The following NPY1R variants were observed in gnomAD, a reference collection of about 807,000 sequenced individuals.
NPY1R encodes neuropeptide Y receptor type 1.
In NPY1R, 10 loss-of-function variants were observed where a neutral mutation model predicts 24.1. The ratio of observed to expected loss-of-function variants is 0.42; its 90% confidence interval spans 0.26 to 0.71. The LOEUF (loss-of-function observed/expected upper bound fraction) is 0.71. Among genes scored for constraint, NPY1R ranks in the 30% least tolerant of loss-of-function variants. The probability of loss-of-function intolerance (pLI) is 0.28; values close to 1 mark genes in which losing one functional copy is unlikely to be tolerated. For missense variants in NPY1R, 350 were observed against 458.0 expected, an observed-to-expected ratio of 0.76 and a Z score of 2.15; for synonymous variants, 168 against 165.9, an observed-to-expected ratio of 1.01 and a Z score of -0.10.
At position 163,326,258 on chromosome 4, in the gene NPY1R, G is replaced by T. The variant is rs368406189; in HGVS notation, c.297C>A (p.Val99=). ...VAIMCLPFTF[V]YTLMDHWVFG... is the part of the protein sequence containing the mutation. Reference sequence around the variant, plus strand: ...AGACCCAGTGGTCCATTAATGTGTAGACAAATGTAAAGGGGAGACACATGA... The same window carrying T: ...AGACCCAGTGGTCCATTAATGTGTATACAAATGTAAAGGGGAGACACATGA... Residue 99 remains valine, a synonymous_variant, in exon 2 of 3, where the codon GTC becomes GTA. Coordinates refer to ENST00000296533, the MANE Select transcript of NPY1R (RefSeq NM_000909.6). 6 of 1,614,164 alleles carry T rather than the reference G, an allele frequency of 3.7e-6. No individual in the cohort carries two copies. The highest frequency in any genetic ancestry group is 1.6e-4 in the Middle Eastern group (1 of 6,062).
intron 1 of NPY1R, among the ~76,000 whole-genome samples, chr4:163,339,183 C>T (rs1274518196): frequency 6.6e-6 from 1 of 152,144 alleles, no homozygotes; most frequent in Admixed American, 6.5e-5. Flanking sequence ...TGCAGTCATA[C>T]GAAACCATTT....
chr4:163,326,078 A>C lies in NPY1R; in HGVS notation c.477T>G (p.Ile159Met), dbSNP rs774512237. The change falls in exon 2 of 3, where the codon ATT becomes ATG. Residue 159 changes from isoleucine to methionine, a missense_variant. Transcript: ENST00000296533. ...CCACAGCAAGGACCCAAATCACAGC[A>C]ATACCTACATAAGCATGTCTATTAT... ...RPNNRHAYVG[I>M]AVIWVLAVAS... 8 of 1,614,002 alleles carry C rather than the reference A, an allele frequency of 5.0e-6. No individual in the cohort carries two copies. The South Asian group carries it at 8.8e-5, about 18-fold the overall frequency.
At position 163,326,222 on chromosome 4, in the gene NPY1R, C is replaced by A. The variant is rs375737343; in HGVS notation, c.333G>T (p.Ala111=). ...TLMDHWVFGE[A]MCKLNPFVQC... ...GCACAAAAGGATTCAACTTACACAT[C>A]GCCTCACCAAAGACCCAGTGGTCCA... Residue 111 remains alanine (A), a synonymous_variant, in exon 2 of 3, where the codon GCG becomes GCT. Coordinates refer to ENST00000296533, the MANE Select transcript of NPY1R (RefSeq NM_000909.6). 6.2e-7 allele frequency: 1 copy of A among 1,613,998 alleles called. No homozygotes were observed. The highest frequency in any genetic ancestry group is 8.5e-7 in the Non-Finnish European group (1 of 1,179,992).
Position 163,325,677 on chromosome 4 carries a change from T to G in NPY1R, c.781A>C (p.Ile261Leu). The G allele has an allele frequency of 1.2e-6, 2 of 1,605,136 alleles. No individual in the cohort carries two copies. The change falls in exon 3 of 3, where the codon ATC (isoleucine) becomes CTC (leucine). Residue 261 changes from isoleucine to leucine, a missense_variant. Transcript: ENST00000296533. ...ACAATGGAGAGCAGCATGATATTGA[T>G]TCTTTTGGTTTCACTGGACCTGTAC... ...NKYRSSETKR[I>L]NIMLLSIVVA...
intron 1 of NPY1R, among the ~76,000 whole-genome samples, chr4:163,343,175 CTT>C (rs35412972): frequency 1.3e-3 from 193 of 144,850 alleles, no homozygotes; most frequent in African/African-American, 3.6e-3. Flanking sequence ...TTTTTCCCGT[CTT>C]TTTTTTTTTT....
intron 1 of NPY1R, among the ~76,000 whole-genome samples, chr4:163,339,856 A>C (rs1484426932): frequency 6.6e-6 from 1 of 152,078 alleles, no homozygotes; most frequent in East Asian, 1.9e-4. Flanking sequence ...AAATGCTTAT[A>C]ATGTCTACTT....
At chr4:163,341,923 A>G (rs1231908888) in intron 1 of NPY1R, among the ~76,000 whole-genome samples, 1 of 151,954 alleles carries the variant, frequency 6.6e-6, no homozygotes, top group Admixed American at 6.6e-5. Flanking sequence ...CTTCCTCTTT[A>G]TGTAGCATAT....
intron 1 of NPY1R, among the ~76,000 whole-genome samples, chr4:163,330,192 A>G (rs1734696350): frequency 6.6e-6 from 1 of 152,246 alleles, no homozygotes. Context: ...ATAAGAATTC[A>G]CACAGACATT....
In NPY1R at chr4:163,325,287, T is replaced by C. The variant is rs779877611; in HGVS notation, c.*16A>G. ...TTTAAACAGATGTCATCCGGGACCA[T>C]AGGCTATAAGTAGTTTCAGATTTTT... On this transcript the variant is annotated 3_prime_UTR_variant, in exon 3 of 3. Coordinates refer to ENST00000296533, the MANE Select transcript of NPY1R (RefSeq NM_000909.6). 5.1e-6 allele frequency: 8 copies of C among 1,565,982 alleles called. No homozygotes were observed. The highest frequency in any genetic ancestry group is 1.4e-5 in the African/African-American group (1 of 73,214).
intron 1 of NPY1R, among the ~76,000 whole-genome samples, chr4:163,331,624 C>CTA (rs1734729770): frequency 6.6e-6 from 1 of 152,118 alleles, no homozygotes; most frequent in South Asian, 2.1e-4. Context: ...AGTCAATTCT[C>CTA]TCTCTTTGGC....
chr4:163,326,615 C>A lies in NPY1R; in HGVS notation c.-61G>T, dbSNP rs181021071. On this transcript the variant is annotated 5_prime_UTR_variant, in exon 2 of 3. Coordinates refer to ENST00000296533, the MANE Select transcript of NPY1R (RefSeq NM_000909.6). ...AAATGGACAGTATGTTTCTTCAAAGCAGGTCAACTGTTCAGCTTATTCTTA... is the reference window on the plus strand; with the variant it reads ...AAATGGACAGTATGTTTCTTCAAAGAAGGTCAACTGTTCAGCTTATTCTTA... 13 of 1,052,022 alleles carry A rather than the reference C, an allele frequency of 1.2e-5. No individual in the cohort carries two copies. In the East Asian group the frequency reaches 2.9e-4, roughly 23 times the overall value. The allele number at this position is 1,052,022 out of a possible 1,614,324, so 65.2% of individuals were successfully genotyped here.
chr4:163,329,384 T>C (rs1734677842), intron 1 of NPY1R, among the ~76,000 whole-genome samples: 1 of 152,112 alleles, frequency 6.6e-6, no homozygotes, highest in African/African-American at 2.4e-5. Context: ...GCGGATCACC[T>C]GAAGTCAAGA....
At chr4:163,329,370 C>T (rs528504296) in intron 1 of NPY1R, among the ~76,000 whole-genome samples, 18 of 152,038 alleles carry the variant, frequency 1.2e-4, no homozygotes, top group Admixed American at 4.6e-4. Context: ...TTCGGGAGGC[C>T]GAGGCGGATC....
At chr4:163,333,594 TTA>T (rs1402725225), upstream of NPY1R, among the ~76,000 whole-genome samples, 3 of 152,202 alleles carry the variant, frequency 2.0e-5, no homozygotes, top group Non-Finnish European at 4.4e-5. Context: ...CCCAGAGAAT[TTA>T]TAAAGATTTC....
Position 163,329,264 on chromosome 4 carries a change from T to C in NPY1R, c.-151-2559A>G, listed in dbSNP as rs529404549. ...ACAAGAAAAAAATTAGTAAAAGATA[T>C]AGTATGCTAGATGATAATACATATT... is the stretch of plus-strand genomic sequence containing the variant. On this transcript the variant is annotated intron_variant, in intron 1 of 2. Coordinates refer to ENST00000296533, the MANE Select transcript of NPY1R (RefSeq NM_000909.6). Among the ~76,000 whole-genome samples the C allele has an allele frequency of 3.9e-5, 6 of 152,166 alleles. No individual in the cohort carries two copies. In the South Asian group the frequency reaches 8.3e-4, roughly 21 times the overall value.
At chr4:163,342,054 T>C (rs943289020) in intron 1 of NPY1R, among the ~76,000 whole-genome samples, 2 of 152,192 alleles carry the variant, frequency 1.3e-5, no homozygotes, top group African/African-American at 2.4e-5. Context: ...ACTCCTGTTT[T>C]TGAGACTTGC....
upstream of NPY1R, among the ~76,000 whole-genome samples, chr4:163,337,482 C>T (rs773278882): frequency 1.2e-4 from 18 of 152,124 alleles, no homozygotes; most frequent in Non-Finnish European, 2.4e-4. Flanking sequence ...ACTTTCAAGT[C>T]CCTCCTTTTG....
chr4:163,328,982 G>A (rs1206201505), intron 1 of NPY1R, among the ~76,000 whole-genome samples: 1 of 152,052 alleles, frequency 6.6e-6, no homozygotes, highest in African/African-American at 2.4e-5. Flanking sequence ...TAGGTTCTTG[G>A]GTAAATTAAT....
At chr4:163,334,017 CT>C (rs11440670), upstream of NPY1R, among the ~76,000 whole-genome samples, 4 of 149,134 alleles carry the variant, frequency 2.7e-5, no homozygotes, top group Non-Finnish European at 3.0e-5. Context: ...CACACACATA[CT>C]TTTTTTTTTA....
Sources: gnomAD v4.1 joint callset for allele counts (sites outside exome capture counted in the v4.1 genomes callset) on GRCh38, gnomAD v4.1.1 for gene constraint, MANE v1.5 for transcripts, NCBI Gene and HGNC (gene_info 2026-07-23, HGNC 2026-07-21) for gene names.